COL5A2: variants seen among roughly 807,000 people sequenced by gnomAD.
COL5A2 encodes collagen alpha-2(V) chain.
COL5A2 carries 23 observed loss-of-function variants against 208.2 expected under a neutral mutation model. The observed-to-expected ratio is 0.11, with a 90% CI of 0.08 to 0.16. The LOEUF is 0.16. Ranked by LOEUF, COL5A2 falls within the 10% of genes least tolerant of loss-of-function variation. The pLI is 1.00. For synonymous variants in COL5A2, 625 were observed against 628.5 expected, an observed-to-expected ratio of 0.99 and a Z score of 0.08; for missense variants, 1,590 against 1,956.4, an observed-to-expected ratio of 0.81 and a Z score of 3.53.
the COL5A2 span, among the ~76,000 whole-genome samples, chr2:189,296,831 C>A: frequency 6.6e-6 from 1 of 152,160 alleles, no homozygotes; most frequent in East Asian, 1.9e-4. Flanking sequence ...TACAGTAAGA[C>A]TTCTGCATAT....
the COL5A2 span, among the ~76,000 whole-genome samples, chr2:189,344,284 G>T: frequency 6.6e-6 from 1 of 152,086 alleles, no homozygotes; most frequent in African/African-American, 2.4e-5. Flanking sequence ...CAGTTTCCAT[G>T]GCAGTTTGAG....
intron 33 of COL5A2, among the ~76,000 whole-genome samples, chr2:189,058,025 C>T (rs1003263352): frequency 2.6e-5 from 4 of 152,130 alleles, no homozygotes; most frequent in African/African-American, 4.8e-5. Flanking sequence ...CATATTTTCA[C>T]ATATGTAGTA....
At chr2:189,350,052 T>G in the COL5A2 span, among the ~76,000 whole-genome samples, 1 of 152,150 alleles carries the variant, frequency 6.6e-6, no homozygotes, top group African/African-American at 2.4e-5. Flanking sequence ...TATTTATTCT[T>G]CACTTATCAT....
the COL5A2 span, among the ~76,000 whole-genome samples, chr2:189,370,706 A>G: frequency 2.6e-5 from 4 of 152,152 alleles, no homozygotes; most frequent in African/African-American, 9.7e-5. Flanking sequence ...ATATACTCAC[A>G]TACATAATTT....
At chr2:189,272,113 A>G in the COL5A2 span, among the ~76,000 whole-genome samples, 1 of 152,152 alleles carries the variant, frequency 6.6e-6, no homozygotes, top group Non-Finnish European at 1.5e-5. Context: ...CGATTCCTCA[A>G]GGATCTAGAA....
the COL5A2 span, among the ~76,000 whole-genome samples, chr2:189,275,064 C>T: frequency 1.8e-4 from 27 of 152,008 alleles, no homozygotes; most frequent in African/African-American, 5.6e-4. Flanking sequence ...AAAAGCTCTT[C>T]GAGGATTTTA....
At chr2:189,052,586 C>A (rs922753757) in intron 40 of COL5A2, among the ~76,000 whole-genome samples, 163 bp downstream of exon 40, 2 of 152,150 alleles carry the variant, frequency 1.3e-5, no homozygotes, top group African/African-American at 4.8e-5. Flanking sequence ...GATTTTAACC[C>A]AAATCTCCAT....
the COL5A2 span, among the ~76,000 whole-genome samples, chr2:189,349,405 G>A: frequency 2.0e-5 from 3 of 152,122 alleles, no homozygotes; most frequent in Admixed American, 6.6e-5. Flanking sequence ...TAAAATTAGA[G>A]GGATACCAAA....
chr2:189,195,857 A>C (rs543888454), intron 1 of COL5A2, among the ~76,000 whole-genome samples: 22 of 152,360 alleles, frequency 1.4e-4, no homozygotes, highest in African/African-American at 5.0e-4. Context: ...AAAATCCTAG[A>C]ATAAAGCCTA....
chr2:189,147,154 A>G (rs1322655845), intron 1 of COL5A2, among the ~76,000 whole-genome samples: 2 of 152,196 alleles, frequency 1.3e-5, no homozygotes, highest in Admixed American at 1.3e-4. Context: ...TTCAACACCT[A>G]AACTACATAT....
At chr2:189,238,856 G>T in the COL5A2 span, among the ~76,000 whole-genome samples, 20 of 152,206 alleles carry the variant, frequency 1.3e-4, 1 homozygote, top group African/African-American at 4.3e-4. Flanking sequence ...GGATTATGGG[G>T]ATTCTAATTC....
chr2:189,245,445 T>A, the COL5A2 span, among the ~76,000 whole-genome samples: 26 of 152,060 alleles, frequency 1.7e-4, no homozygotes, highest in East Asian at 2.7e-3. Context: ...GCCTACTATA[T>A]CTGTTTTATT....
At position 189,179,607 on chromosome 2, in the gene COL5A2, C is replaced by A; in HGVS notation, c.-3G>T. The A allele has an allele frequency of 6.2e-7, 1 of 1,601,000 alleles. No individual in the cohort carries two copies. Among genetic ancestry groups the A allele is most frequent in the Non-Finnish European group, 8.5e-7 (1 of 1,171,894 alleles). The stretch of plus-strand genomic sequence containing the variant: ...GCTTCCGCCCAGTTTGCCATCATGT[C>A]TAAATATTAGACATGTGGGTTCTCC... On this transcript the variant is annotated 5_prime_UTR_variant, in exon 1 of 54. It removes the in-frame stop codon of an upstream open reading frame in the 5' UTR. Coordinates refer to ENST00000374866, the MANE Select transcript of COL5A2 (RefSeq NM_000393.5).
At chr2:189,035,404 C>T (rs939770191) in intron 52 of COL5A2, among the ~76,000 whole-genome samples, 9 of 151,880 alleles carry the variant, frequency 5.9e-5, no homozygotes, top group Admixed American at 6.6e-5. Context: ...CAATAATTCA[C>T]GAGAACAAGC....
At chr2:189,290,809 TAGACA>T in the COL5A2 span, among the ~76,000 whole-genome samples, 2 of 150,920 alleles carry the variant, frequency 1.3e-5, no homozygotes, top group Non-Finnish European at 3.0e-5. Context: ...GGAGGTATGT[TAGACA>T]TAACAAATAT....
chr2:189,206,012 G>A (rs1040975740), intron 1 of COL5A2, among the ~76,000 whole-genome samples: 1 of 152,030 alleles, frequency 6.6e-6, no homozygotes, highest in Non-Finnish European at 1.5e-5. Context: ...TTAAGTCTGC[G>A]GTAAACTTTT....
At chr2:189,422,122 C>T in the COL5A2 span, among the ~76,000 whole-genome samples, 1 of 152,184 alleles carries the variant, frequency 6.6e-6, no homozygotes, top group East Asian at 1.9e-4. Context: ...GCCACAATGA[C>T]CAAGAACATT....
At chr2:189,178,710 A>T (rs1437902276) in intron 1 of COL5A2, among the ~76,000 whole-genome samples, 15 of 3,208 alleles carry the variant, frequency 4.7e-3, no homozygotes, top group Non-Finnish European at 9.0e-3. Flanking sequence ...ATTTATCTTT[A>T]AAAAAAAAAA....
the COL5A2 span, among the ~76,000 whole-genome samples, chr2:189,237,892 A>G: frequency 1.6e-4 from 24 of 151,890 alleles, no homozygotes; most frequent in Non-Finnish European, 3.2e-4. Context: ...TTTGTGTTCA[A>G]TAAACTTAAA....
Sources: gnomAD v4.1 joint callset for allele counts (sites outside exome capture counted in the v4.1 genomes callset) on GRCh38, gnomAD v4.1.1 for gene constraint, MANE v1.5 for transcripts, NCBI Gene and HGNC (gene_info 2026-07-23, HGNC 2026-07-21) for gene names.